The following TSPAN18 variants were observed in gnomAD, a reference collection of about 807,000 sequenced individuals.
TSPAN18 encodes tetraspanin 18.
Under a neutral mutation model 27.3 loss-of-function variants are expected in TSPAN18, and 14 were observed. The observed-to-expected ratio is 0.51, with a 90% CI of 0.34 to 0.80. The LOEUF (loss-of-function observed/expected upper bound fraction) is 0.80. TSPAN18 is among the 30% of genes least tolerant of loss of function. The pLI is 0.01. For synonymous variants in TSPAN18, 143 were observed against 136.5 expected (o/e 1.05, Z -0.33); for missense variants, 268 against 323.9 (o/e 0.83, Z 1.32).
At chr11:44,879,400 A>G (rs927463995) in intron 3 of TSPAN18, among the ~76,000 whole-genome samples, 1 of 152,192 alleles carries the variant, frequency 6.6e-6, no homozygotes, top group Non-Finnish European at 1.5e-5. Flanking sequence ...CAGAAAGAAA[A>G]CATTGCTGGA....
intron 2 of TSPAN18, among the ~76,000 whole-genome samples, chr11:44,835,921 C>T (rs1314220475): frequency 6.6e-6 from 1 of 152,066 alleles, no homozygotes; most frequent in Non-Finnish European, 1.5e-5. Flanking sequence ...CAAGCTGCAC[C>T]CTTATATGAT....
In TSPAN18 at chr11:44,767,220, C is replaced by T. The variant is rs535315506; in HGVS notation, c.-153+2708C>T. 5.9e-5 allele frequency among the ~76,000 whole-genome samples: 9 copies of T among 152,306 alleles called. 1 individual carries two copies. The South Asian group carries it at 1.7e-3, about 28-fold the overall frequency. On this transcript the variant is annotated intron_variant, in intron 2 of 9. Coordinates refer to ENST00000520358, the MANE Select transcript of TSPAN18 (RefSeq NM_130783.5). ...CTACCTCAAGTATGAGCAGTTCATC[C>T]CAAGCCTCTAGCTGATGGCTGACAC... is the stretch of plus-strand genomic sequence containing the variant.
At chr11:44,827,842 T>A (rs1040937464) in intron 2 of TSPAN18, among the ~76,000 whole-genome samples, 1 of 152,042 alleles carries the variant, frequency 6.6e-6, no homozygotes, top group Non-Finnish European at 1.5e-5. Flanking sequence ...GAGAGGGACA[T>A]GGGAAGCAGG....
chr11:44,783,556 G>A (rs760307169), intron 2 of TSPAN18, among the ~76,000 whole-genome samples: 9 of 151,886 alleles, frequency 5.9e-5, no homozygotes, highest in South Asian at 2.1e-4. Flanking sequence ...GTACCACCAC[G>A]CCCGGCTAAT....
chr11:44,753,227 C>G (rs1232723736), intron 1 of TSPAN18, among the ~76,000 whole-genome samples: 1 of 152,150 alleles, frequency 6.6e-6, no homozygotes, highest in Admixed American at 6.5e-5. Flanking sequence ...CTCCCTGGTT[C>G]AAGCGATTCT....
chr11:44,728,886 G>A (rs1854583859), intron 1 of TSPAN18, among the ~76,000 whole-genome samples: 1 of 152,230 alleles, frequency 6.6e-6, no homozygotes, highest in African/African-American at 2.4e-5. Context: ...CCCCAAGTGA[G>A]TGCAAAGGAG....
chr11:44,794,238 C>G (rs1208131489), intron 2 of TSPAN18, among the ~76,000 whole-genome samples: 1 of 152,182 alleles, frequency 6.6e-6, no homozygotes, highest in African/African-American at 2.4e-5. Context: ...ACCAGGTTCA[C>G]CCCTACCAAG....
chr11:44,877,051 C>A (rs1858355244), intron 3 of TSPAN18, among the ~76,000 whole-genome samples: 1 of 152,210 alleles, frequency 6.6e-6, no homozygotes, highest in Admixed American at 6.5e-5. Context: ...AAAGGAGGCC[C>A]AGAGGGAGGA....
rs1860513141 is a variant in TSPAN18 at position 44,930,201 on chromosome 11, G to C, written c.*1023G>C. On this transcript the variant is annotated 3_prime_UTR_variant, in exon 10 of 10. Transcript: ENST00000520358. ...GTGGAAGAAATCCCCAAGATCATCT[G>C]GGTCTCCCTCTCCACACCCAGAACT... The C allele has an allele frequency of 1.3e-5, 2 of 152,332 alleles. No individual in the cohort carries two copies. The highest frequency in any genetic ancestry group is 4.8e-5 in the African/African-American group (2 of 41,388). The allele number at this position is 152,332 out of a possible 1,614,324, so 9.4% of individuals were successfully genotyped here.
At chr11:44,799,600 G>T (rs1856430947) in intron 2 of TSPAN18, among the ~76,000 whole-genome samples, 1 of 152,156 alleles carries the variant, frequency 6.6e-6, no homozygotes, top group South Asian at 2.1e-4. Flanking sequence ...ATTGCGTGGG[G>T]CACATCGATT....
intron 3 of TSPAN18, among the ~76,000 whole-genome samples, chr11:44,888,367 G>A (rs1304675347): frequency 6.6e-6 from 1 of 152,174 alleles, no homozygotes; most frequent in African/African-American, 2.4e-5. Context: ...GTTGGAAAGT[G>A]CTTAGTATGG....
At chr11:44,765,981 A>C (rs567440230) in intron 2 of TSPAN18, among the ~76,000 whole-genome samples, 1 of 152,278 alleles carries the variant, frequency 6.6e-6, no homozygotes, top group South Asian at 2.1e-4. Context: ...TTTCTTGTAC[A>C]TGTGCCCTCA....
chr11:44,896,006 C>A (rs1334806354), intron 3 of TSPAN18, among the ~76,000 whole-genome samples: 1 of 152,192 alleles, frequency 6.6e-6, no homozygotes, highest in Non-Finnish European at 1.5e-5. Flanking sequence ...TCTGTAAAAA[C>A]CACTCACCTG....
intron 1 of TSPAN18, among the ~76,000 whole-genome samples, chr11:44,736,995 T>A (rs1467597865): frequency 2.0e-5 from 3 of 152,216 alleles, no homozygotes; most frequent in African/African-American, 7.2e-5. Context: ...TCTGTTTGGT[T>A]TTCCATGGAG....
At chr11:44,842,178 T>C (rs1590563226) in intron 2 of TSPAN18, among the ~76,000 whole-genome samples, 1 of 152,306 alleles carries the variant, frequency 6.6e-6, no homozygotes, top group Middle Eastern at 3.4e-3. Flanking sequence ...CTCAGTCTCC[T>C]TCAAGGATGA....
At chr11:44,803,759 G>A (rs891505497) in intron 2 of TSPAN18, among the ~76,000 whole-genome samples, 1 of 152,156 alleles carries the variant, frequency 6.6e-6, no homozygotes, top group Non-Finnish European at 1.5e-5. Context: ...CTGTGTATTT[G>A]AGCTGAGATG....
chr11:44,773,065 A>G (rs937604167), intron 2 of TSPAN18, among the ~76,000 whole-genome samples: 45 of 152,262 alleles, frequency 3.0e-4, no homozygotes, highest in African/African-American at 1.0e-3. Context: ...TGCAAACACA[A>G]TGTGTTTTAA....
chr11:44,814,446 A>G (rs765108862), intron 2 of TSPAN18, among the ~76,000 whole-genome samples: 11 of 152,194 alleles, frequency 7.2e-5, no homozygotes, highest in Non-Finnish European at 1.0e-4. Flanking sequence ...AACCCCTTCC[A>G]GAAGGTTTCC....
In TSPAN18 at chr11:44,889,057, G is replaced by T. The variant is rs915395055; in HGVS notation, c.-10-17350G>T. ...CTCTCTCCTGCCACCCAGTGAAGAGGTGCCTTCCGCCATGATTGTAAGTTG... is the reference window on the plus strand; with the variant it reads ...CTCTCTCCTGCCACCCAGTGAAGAGTTGCCTTCCGCCATGATTGTAAGTTG... On this transcript the variant is annotated intron_variant, in intron 3 of 9. Coordinates refer to ENST00000520358, the MANE Select transcript of TSPAN18 (RefSeq NM_130783.5). Among the ~76,000 whole-genome samples the T allele has an allele frequency of 5.3e-5, 8 of 152,344 alleles. No homozygotes were observed. In the South Asian group the frequency reaches 6.2e-4, roughly 12 times the overall value.
Sources: gnomAD v4.1 joint callset for allele counts (sites outside exome capture counted in the v4.1 genomes callset) on GRCh38, gnomAD v4.1.1 for gene constraint, MANE v1.5 for transcripts, NCBI Gene and HGNC (gene_info 2026-07-23, HGNC 2026-07-21) for gene names.